The following MMS19 variants were observed in gnomAD, a reference collection of about 807,000 sequenced individuals.
MMS19 encodes the protein MMS19 cytosolic iron-sulfur assembly component, also known as MMS19 nucleotide excision repair protein homolog.
In MMS19, 77 loss-of-function variants were observed where a neutral mutation model predicts 129.8. That is an observed-to-expected ratio of 0.59 (90% confidence interval 0.49 to 0.72). MMS19 has a LOEUF of 0.72. Among genes scored for constraint, MMS19 ranks in the 30% least tolerant of loss-of-function variants. The pLI, the probability that MMS19 is intolerant of heterozygous loss-of-function variation, is 0.00. For synonymous variants in MMS19, 491 were observed against 502.8 expected (o/e 0.98, Z 0.31); for missense variants, 1,168 against 1,266.3 (o/e 0.92, Z 1.18).
intron 1 of MMS19, among the ~76,000 whole-genome samples, chr10:97,492,730 G>A (rs376981226): frequency 8.6e-5 from 13 of 151,342 alleles, no homozygotes; most frequent in East Asian, 3.9e-4. Flanking sequence ...ATGATGGCAT[G>A]GGCCTGTAAT....
intron 2 of MMS19, among the ~76,000 whole-genome samples, chr10:97,482,921 C>T (rs1312283186): frequency 2.0e-5 from 3 of 151,672 alleles, no homozygotes; most frequent in Non-Finnish European, 2.9e-5. Context: ...CCACCATGCC[C>T]GGCTAATTTT....
intron 16 of MMS19, 101 bp from the exon 17 acceptor site, chr10:97,466,260 C>T: frequency 2.0e-6 from 2 of 989,234 alleles, no homozygotes; most frequent in South Asian, 1.5e-5. Context: ...CTCCCAACGC[C>T]TCCTTGCTAA....
chr10:97,462,716 G>T, intron 19 of MMS19, 34 bp from the exon 20 acceptor site: 1 of 1,506,026 alleles, frequency 6.6e-7, no homozygotes, highest in Non-Finnish European at 9.2e-7. Flanking sequence ...ACAATCACAA[G>T]ACCATGACGG....
In MMS19 at chr10:97,460,238, GA is replaced by G. The variant is rs756709908; in HGVS notation, c.2470-7del. The stretch of plus-strand genomic sequence containing the variant: ...TCACTCAGGAGGCCCATGAGCTGGA[GA>G]AAAAAGAGCCTTTGAGGTACATCAG... On this transcript the variant is annotated splice_region_variant and splice_polypyrimidine_tract_variant and intron_variant, in intron 25 of 30. Transcript: ENST00000438925. 2.2e-4 allele frequency: 361 copies of G among 1,604,494 alleles called. No homozygotes were observed. The African/African-American group carries it at 4.5e-3, about 20-fold the overall frequency.
chr10:97,498,569 G>A, upstream of MMS19: 1 of 682,714 alleles, frequency 1.5e-6, no homozygotes, highest in Non-Finnish European at 2.3e-6. Flanking sequence ...CGGTGGCACC[G>A]AGAGGGAAGG....
intron 2 of MMS19, among the ~76,000 whole-genome samples, chr10:97,481,809 A>G (rs1177257460): frequency 6.6e-6 from 1 of 152,080 alleles, no homozygotes; most frequent in Non-Finnish European, 1.5e-5. Flanking sequence ...GAGTAAGGGG[A>G]AAAAAATAAG....
At chr10:97,487,731 A>G (rs1397654944) in intron 1 of MMS19, among the ~76,000 whole-genome samples, 2 of 152,178 alleles carry the variant, frequency 1.3e-5, no homozygotes, top group Non-Finnish European at 2.9e-5. Context: ...ACAAACTGGG[A>G]AAAAAAATTA....
chr10:97,492,366 T>C (rs1287750681), intron 1 of MMS19, among the ~76,000 whole-genome samples: 1 of 151,294 alleles, frequency 6.6e-6, no homozygotes, highest in South Asian at 2.1e-4. Context: ...TCCCAGCTAC[T>C]TGGGAGGCTG....
At chr10:97,494,178 T>C (rs1334879233) in intron 1 of MMS19, among the ~76,000 whole-genome samples, 3 of 152,240 alleles carry the variant, frequency 2.0e-5, no homozygotes, top group Non-Finnish European at 4.4e-5. Context: ...TTCATTTCCC[T>C]TTATAGGAGG....
At chr10:97,467,613 A>G in intron 13 of MMS19, 30 bp from the exon 14 acceptor site, 1 of 1,603,968 alleles carries the variant, frequency 6.2e-7, no homozygotes, top group Non-Finnish European at 8.5e-7. Flanking sequence ...ACTAGAGTCA[A>G]AGAATATTTT....
intron 8 of MMS19, among the ~76,000 whole-genome samples, chr10:97,471,829 C>A (rs2034768113): frequency 6.6e-6 from 1 of 152,080 alleles, no homozygotes. Flanking sequence ...GTTTTCATGA[C>A]TGGACTTTGA....
chr10:97,488,385 T>G (rs2038279540), intron 1 of MMS19, among the ~76,000 whole-genome samples: 1 of 152,166 alleles, frequency 6.6e-6, no homozygotes. Context: ...TATAACATCT[T>G]TAGAATTCCA....
Position 97,470,217 on chromosome 10 carries a change from G to C in MMS19, c.772-14C>G. ...GGGCAGCAGAAACTGTGGGACAGAA[G>C]GAAGATCTTAAGCCTGAGATGGGTG... On this transcript the variant is annotated splice_polypyrimidine_tract_variant and intron_variant, in intron 9 of 30. Transcript: ENST00000438925. 2 of 1,592,142 alleles carry C rather than the reference G, an allele frequency of 1.3e-6. No homozygotes were observed. The highest frequency in any genetic ancestry group is 1.7e-6 in the Non-Finnish European group (2 of 1,166,912).
At chr10:97,488,820 G>A (rs978010827) in intron 1 of MMS19, among the ~76,000 whole-genome samples, 4 of 152,154 alleles carry the variant, frequency 2.6e-5, no homozygotes, top group African/African-American at 7.2e-5. Context: ...CATGTATAAC[G>A]TTATTCAATA....
chr10:97,494,164 T>C (rs2039417573), intron 1 of MMS19, among the ~76,000 whole-genome samples: 1 of 152,214 alleles, frequency 6.6e-6, no homozygotes, highest in South Asian at 2.1e-4. Flanking sequence ...AAAATCAGTG[T>C]AAGTTCATTT....
intron 23 of MMS19, 138 bp downstream of exon 23, chr10:97,461,358 C>A: frequency 9.3e-7 from 1 of 1,078,372 alleles, no homozygotes; most frequent in Non-Finnish European, 1.3e-6. Context: ...CACGGGCAGT[C>A]CCAGGACAGT....
At chr10:97,473,481 G>A (rs1477412286) in intron 8 of MMS19, among the ~76,000 whole-genome samples, 1 of 151,584 alleles carries the variant, frequency 6.6e-6, no homozygotes, top group African/African-American at 2.4e-5. Context: ...CCATCAAACT[G>A]AGGGGGTAAA....
chr10:97,489,600 G>A (rs2038527496), intron 1 of MMS19, among the ~76,000 whole-genome samples: 1 of 152,162 alleles, frequency 6.6e-6, no homozygotes, highest in South Asian at 2.1e-4. Context: ...GCTTTATTCA[G>A]ATTTCAATAG....
In MMS19 at chr10:97,480,938, G is replaced by A. The variant is rs2036684562; in HGVS notation, c.262+4C>T. 1 of 1,589,294 alleles carries A rather than the reference G, an allele frequency of 6.3e-7. No homozygotes were observed. The highest frequency in any genetic ancestry group is 1.3e-5 in the African/African-American group (1 of 74,630). ...GAAGACATTCCTATTAGTGACACCA[G>A]TACCTTCCTTCTCCAGGAGCAAGGT... On this transcript the variant is annotated splice_donor_region_variant and intron_variant, in intron 3 of 30. Coordinates refer to ENST00000438925, the MANE Select transcript of MMS19 (RefSeq NM_022362.5).
Sources: allele counts gnomAD v4.1 joint callset (sites outside exome capture counted in the v4.1 genomes callset), GRCh38; gene constraint gnomAD v4.1.1; transcripts MANE v1.5; gene names NCBI Gene and HGNC (gene_info 2026-07-23, HGNC 2026-07-21).